Variants in RYR2 observed in about 807,000 individuals in gnomAD.
The protein encoded by RYR2 is ryanodine receptor 2.
A neutral mutation model predicts 601.1 loss-of-function variants in RYR2; 227 were observed. The observed-to-expected ratio is 0.38, with a 90% CI of 0.34 to 0.42. The LOEUF is 0.42. Ranked by LOEUF, RYR2 falls within the 10% of genes least tolerant of loss-of-function variation. RYR2 has a pLI of 1.00. For missense variants in RYR2, 4,646 were observed against 6,156.5 expected (o/e 0.75, Z 8.21); for synonymous variants, 2,223 against 2,175.1 (o/e 1.02, Z -0.61).
At chr1:237,604,474 G>T (rs1031362643) in intron 35 of RYR2, among the ~76,000 whole-genome samples, 3 of 152,172 alleles carry the variant, frequency 2.0e-5, no homozygotes, top group African/African-American at 4.8e-5. Flanking sequence ...GAGCAGGAAA[G>T]ATCTAAAATT....
chr1:237,295,369 T>C (rs1692652279), intron 2 of RYR2, among the ~76,000 whole-genome samples: 1 of 152,056 alleles, frequency 6.6e-6, no homozygotes, highest in African/African-American at 2.4e-5. Context: ...TGATCTAGAT[T>C]GGTACAAAAG....
intron 2 of RYR2, among the ~76,000 whole-genome samples, chr1:237,310,580 C>G (rs1030995290): frequency 2.0e-5 from 3 of 152,138 alleles, no homozygotes; most frequent in Non-Finnish European, 2.9e-5. Context: ...CCCTCCAGCC[C>G]ACTTTACCCC....
chr1:237,119,123 G>C (rs1392572340), intron 1 of RYR2, among the ~76,000 whole-genome samples: 1 of 152,146 alleles, frequency 6.6e-6, no homozygotes, highest in Non-Finnish European at 1.5e-5. Context: ...AAGTTAAAGT[G>C]AGGTCATTAG....
At chr1:237,484,834 T>A (rs1279508750) in intron 17 of RYR2, among the ~76,000 whole-genome samples, 2 of 152,176 alleles carry the variant, frequency 1.3e-5, no homozygotes, top group Non-Finnish European at 2.9e-5. Flanking sequence ...GAATATTCTC[T>A]ACCCATCACA....
At position 237,590,946 on chromosome 1, in the gene RYR2, A is replaced by G. The variant is rs1272694571; in HGVS notation, c.4114A>G (p.Asn1372Asp). The part of the protein sequence containing the change: ...DKEATKPEFN[N>D]HKDYAQEKPS... ...AGAAGCTACTAAACCAGAGTTTAAC[A>G]ACCACAAAGATTATGCCCAGGAAAA... is the stretch of plus-strand genomic sequence containing the variant. The change falls in exon 31 of 105, where the codon AAC (asparagine) becomes GAC (aspartate). Residue 1372 changes from asparagine to aspartate, a missense_variant. Physicochemically the swap from Asn to Asp is conservative, Grantham distance 23. Coordinates refer to ENST00000366574, the MANE Select transcript of RYR2 (RefSeq NM_001035.3). The G allele has an allele frequency of 6.2e-7, 1 of 1,613,784 alleles. No individual in the cohort carries two copies. The highest frequency in any genetic ancestry group is 1.3e-5 in the African/African-American group (1 of 75,028).
At chr1:237,775,386 A>G (rs1233863488) in intron 87 of RYR2, among the ~76,000 whole-genome samples, 2 of 152,152 alleles carry the variant, frequency 1.3e-5, no homozygotes, top group African/African-American at 2.4e-5. Context: ...TGTTTTTTAA[A>G]ATTCTGGGAT....
chr1:237,369,668 G>T (rs1347433877), intron 6 of RYR2, 60 bp downstream of exon 6: 1 of 1,329,376 alleles, frequency 7.5e-7, no homozygotes, highest in East Asian at 2.5e-5. Context: ...GGGGTACATG[G>T]TCTGCAAATG....
intron 20 of RYR2, among the ~76,000 whole-genome samples, chr1:237,497,962 A>G (rs752310846): frequency 1.3e-4 from 20 of 151,910 alleles, no homozygotes; most frequent in Non-Finnish European, 2.8e-4. Flanking sequence ...CCCGGGTTCA[A>G]GCGATTCTCA....
In RYR2 at chr1:237,660,853, C is replaced by T. The variant is rs369963696; in HGVS notation, c.8342C>T (p.Thr2781Ile). ...YRWPIKESLK[T>I]MLAWGWRIER... ...TGGCCAATCAAAGAATCTTTAAAAA[C>T]TATGCTGGCTTGGGGCTGGAGAATT... Residue 2781 changes from threonine (T) to isoleucine (I), a missense_variant, in exon 56 of 105, where the codon ACT (threonine) becomes ATT (isoleucine). Around this residue, in one of 17 missense-constraint regions of RYR2, gnomAD observed 1,497 missense variants for 1,842.6 expected, o/e 0.81. Transcript: ENST00000366574. 6.5e-7 allele frequency: 1 copy of T among 1,546,908 alleles called. No homozygotes were observed. The highest frequency in any genetic ancestry group is 8.7e-7 in the Non-Finnish European group (1 of 1,144,202).
intron 1 of RYR2, among the ~76,000 whole-genome samples, chr1:237,113,620 G>C (rs1669737727): frequency 6.6e-6 from 1 of 152,232 alleles, no homozygotes; most frequent in Non-Finnish European, 1.5e-5. Flanking sequence ...TCCTGGCCCA[G>C]GGAGTGGGTA....
In RYR2 at chr1:237,313,751, A is replaced by G. The variant is rs375421661; in HGVS notation, c.169-17127A>G. Among the ~76,000 whole-genome samples the G allele has an allele frequency of 1.5e-4, 23 of 152,292 alleles. No homozygotes were observed. The East Asian group carries it at 2.3e-3, about 15-fold the overall frequency. ...TAGGAAAAGAAATTTGAAGACCATT[A>G]TCTCTACTTTAGTTTCTAACTTAAT... is the stretch of plus-strand genomic sequence containing the variant. On this transcript the variant is annotated intron_variant, in intron 2 of 104. Coordinates refer to ENST00000366574, the MANE Select transcript of RYR2 (RefSeq NM_001035.3).
Position 237,681,322 on chromosome 1 carries a change from A to T in RYR2, c.9017+745A>T, listed in dbSNP as rs148672972. Among the ~76,000 whole-genome samples the T allele has an allele frequency of 4.9e-3, 753 of 152,346 alleles. 5 individuals are homozygous for T. The highest frequency in any genetic ancestry group is 0.017 in the African/African-American group (717 of 41,586). ...AAAATACAGACTTTCCTTGGACTTG[A>T]CGTCGATGCTGTGCTGAAAGGCAGT... On this transcript the variant is annotated intron_variant, in intron 62 of 104. Transcript: ENST00000366574.
rs113341823 is a variant in RYR2 at position 237,809,333 on chromosome 1, G to A, written c.14433+298G>A. Among the ~76,000 whole-genome samples the A allele has an allele frequency of 0.011, 1,611 of 152,262 alleles. 28 individuals are homozygous for A. The highest frequency in any genetic ancestry group is 0.037 in the African/African-American group (1,521 of 41,552). On this transcript the variant is annotated intron_variant, in intron 100 of 104. Transcript: ENST00000366574. ...TGTTGTTCACATATCCCAGGACAAC[G>A]GGTAAAACTATTTCCCAGAGAACAT... is the stretch of plus-strand genomic sequence containing the variant.
At chr1:237,470,782 G>C (rs1033375976) in intron 17 of RYR2, among the ~76,000 whole-genome samples, 2 of 152,080 alleles carry the variant, frequency 1.3e-5, no homozygotes, top group Non-Finnish European at 2.9e-5. Flanking sequence ...CAAGGAGTGA[G>C]TTTAGGAGCA....
chr1:237,504,017 T>C (rs761256391), intron 22 of RYR2, among the ~76,000 whole-genome samples: 4 of 152,210 alleles, frequency 2.6e-5, no homozygotes, highest in Non-Finnish European at 5.9e-5. Context: ...CTCTATTCTA[T>C]GTTTTAAGTA....
At position 237,706,985 on chromosome 1, in the gene RYR2, C is replaced by T; in HGVS notation, c.9617C>T (p.Pro3206Leu). The change falls in exon 68 of 105, where the codon CCA (proline) becomes CTA (leucine). Residue 3206 changes from proline (P) to leucine (L), a missense_variant. By Grantham distance (98) the Pro-to-Leu change is moderately conservative. Transcript: ENST00000366574. ...SLPTNVEDVC[P>L]NIPSLEKLME... ...CCAACTAATGTGGAAGATGTTTGTC[C>T]AAACATACCGTCTTTGGAGAAACTC... is the stretch of plus-strand genomic sequence containing the variant. The T allele has an allele frequency of 6.2e-7, 1 of 1,613,648 alleles. No homozygotes were observed. The highest frequency in any genetic ancestry group is 8.5e-7 in the Non-Finnish European group (1 of 1,179,628).
At chr1:237,256,668 G>A (rs910598064) in intron 1 of RYR2, among the ~76,000 whole-genome samples, 2 of 152,186 alleles carry the variant, frequency 1.3e-5, no homozygotes, top group African/African-American at 4.8e-5. Context: ...GTTTTATCAA[G>A]TACTTTAATG....
At chr1:237,674,946 A>T in intron 60 of RYR2, 100 bp downstream of exon 60, 2 of 645,506 alleles carry the variant, frequency 3.1e-6, no homozygotes, top group Admixed American at 5.3e-5. Flanking sequence ...GCTATTTGTG[A>T]TGGTATAAAC....
chr1:237,275,789 G>A (rs186619098), intron 2 of RYR2, among the ~76,000 whole-genome samples: 11 of 152,076 alleles, frequency 7.2e-5, no homozygotes, highest in South Asian at 2.1e-4. Context: ...AATATTTTAG[G>A]CCACAAAGAA....
Sources: allele counts gnomAD v4.1 joint callset (sites outside exome capture counted in the v4.1 genomes callset), GRCh38; gene constraint gnomAD v4.1.1; regional missense constraint gnomAD v4.1.1; transcripts MANE v1.5; gene names NCBI Gene and HGNC (gene_info 2026-07-23, HGNC 2026-07-21).